NAGLU: variants seen among roughly 807,000 people sequenced by gnomAD.
The protein encoded by NAGLU is alpha-N-acetylglucosaminidase.
A neutral mutation model predicts 43.4 loss-of-function variants in NAGLU; 34 were observed. The observed-to-expected ratio is 0.78, with a 90% CI of 0.60 to 1.04. The LOEUF (loss-of-function observed/expected upper bound fraction) is 1.04. NAGLU is among the 50% of genes least tolerant of loss of function. The pLI is 0.00. For missense variants in NAGLU, 910 were observed against 993.7 expected (o/e 0.92, Z 1.13); for synonymous variants, 425 against 437.6 (o/e 0.97, Z 0.36).
chr17:42,540,224 G>A (rs937978839), intron 4 of NAGLU, among the ~76,000 whole-genome samples: 7 of 151,702 alleles, frequency 4.6e-5, no homozygotes, highest in East Asian at 1.9e-4. Flanking sequence ...ATCACACACC[G>A]GGGCCTTTCG....
chr17:42,538,159 G>A (rs1273913381), intron 2 of NAGLU, among the ~76,000 whole-genome samples, 180 bp from the exon 3 acceptor site: 2 of 152,202 alleles, frequency 1.3e-5, no homozygotes, highest in Non-Finnish European at 2.9e-5. Context: ...GCAACACAGT[G>A]AACTCACCTA....
At position 42,541,129 on chromosome 17, in the gene NAGLU, A is replaced by G. The variant is rs1193928866; in HGVS notation, c.944A>G (p.Asn315Ser). Residue 315 changes from asparagine (N) to serine (S), a missense_variant, in exon 5 of 6, where the codon AAT (asparagine) becomes AGT (serine). Coordinates refer to ENST00000225927, the MANE Select transcript of NAGLU (RefSeq NM_000263.4). Reference sequence around the variant, plus strand: ...CACATCTATGGGGCCGACACTTTCAATGAGATGCAGCCACCTTCCTCAGAG... The same window carrying G: ...CACATCTATGGGGCCGACACTTTCAGTGAGATGCAGCCACCTTCCTCAGAG... Reference protein sequence around the residue: ...TDHIYGADTFNEMQPPSSEPS... With the variant: ...TDHIYGADTFSEMQPPSSEPS... The G allele has an allele frequency of 3.7e-6, 6 of 1,613,948 alleles. No individual in the cohort carries two copies. The highest frequency in any genetic ancestry group is 2.7e-5 in the African/African-American group (2 of 74,918).
rs1424199932 is a variant in NAGLU, at chr17:42,537,578, C to T, written c.531+33C>T. On this transcript the variant is annotated intron_variant, in intron 2 of 5. Transcript: ENST00000225927. ...CCCACTGTCCCTTCCCCACCCTCCT[C>T]TATGGCGGGAGCCACCGTAGGTGTT... is the stretch of plus-strand genomic sequence containing the variant. 4 of 1,611,032 alleles carry T rather than the reference C, an allele frequency of 2.5e-6. No homozygotes were observed. In the South Asian group the frequency reaches 3.3e-5, roughly 13 times the overall value.
Position 42,543,457 on chromosome 17 carries a change from G to A in NAGLU, c.1451G>A (p.Gly484Glu), listed in dbSNP as rs1414938684. ...ACCAGCTTTGCCGCCCGGCGGTATG[G>A]GGTCTCCCACCCGGACGCAGGGGCA... Reference protein sequence around the residue: ...WVTSFAARRYGVSHPDAGAAW... With the variant: ...WVTSFAARRYEVSHPDAGAAW... The change falls in exon 6 of 6, where the codon GGG becomes GAG. Residue 484 changes from glycine to glutamate, a missense_variant. Physicochemically the swap from Gly to Glu is moderately conservative, Grantham distance 98 (BLOSUM62 -2). Transcript: ENST00000225927. The A allele has an allele frequency of 2.5e-6, 4 of 1,599,446 alleles. No homozygotes were observed. In the South Asian group the frequency reaches 4.5e-5, roughly 18 times the overall value.
At position 42,543,922 on chromosome 17, in the gene NAGLU, A is replaced by G. The variant is rs2092929711; in HGVS notation, c.1916A>G (p.Glu639Gly). Residue 639 changes from glutamate to glycine, a missense_variant, in exon 6 of 6, where the codon GAG (glutamate) becomes GGG (glycine). Glu to Gly is a moderately conservative substitution (Grantham distance 98, BLOSUM62 -2). Transcript: ENST00000225927. Reference protein sequence around the residue: ...AVSEAEADFYEQNSRYQLTLW... With the variant: ...AVSEAEADFYGQNSRYQLTLW... Reference sequence around the variant, plus strand: ...AGTGAGGCCGAGGCCGATTTCTACGAGCAGAACAGCCGCTACCAGCTGACC... The same window carrying G: ...AGTGAGGCCGAGGCCGATTTCTACGGGCAGAACAGCCGCTACCAGCTGACC... 1 of 1,607,320 alleles carries G rather than the reference A, an allele frequency of 6.2e-7. No homozygotes were observed. Among genetic ancestry groups the G allele is most frequent in the East Asian group, 2.2e-5 (1 of 44,642 alleles).
At chr17:42,538,878 T>C in intron 4 of NAGLU, 123 bp downstream of exon 4, 1 of 1,166,552 alleles carries the variant, frequency 8.6e-7, no homozygotes, top group Non-Finnish European at 1.2e-6. Flanking sequence ...TCCCAGCACT[T>C]TGGGAGGCCG....
At chr17:42,537,255 C>T (rs1326803594) in intron 1 of NAGLU, 143 bp from the exon 2 acceptor site, 3 of 1,266,048 alleles carry the variant, frequency 2.4e-6, no homozygotes, top group African/African-American at 2.9e-5. Flanking sequence ...GTCTCAGCTC[C>T]ACCTGGGGTG....
chr17:42,543,612 G>A lies in NAGLU; in HGVS notation c.1606G>A (p.Val536Met), dbSNP rs553158830. Residue 536 changes from valine (V) to methionine (M), a missense_variant, in exon 6 of 6, where the codon GTG becomes ATG. Transcript: ENST00000225927. Reference protein sequence around the residue: ...NTSIWYNRSDVFEAWRLLLTS... With the variant: ...NTSIWYNRSDMFEAWRLLLTS... ...CAGCATCTGGTACAACCGATCTGAT[G>A]TGTTTGAGGCCTGGCGGCTGCTGCT... 2 of 1,613,212 alleles carry A rather than the reference G, an allele frequency of 1.2e-6. No individual in the cohort carries two copies. The highest frequency in any genetic ancestry group is 3.3e-5 in the Admixed American group (2 of 60,034).
chr17:42,541,560 A>G (rs539037842), intron 5 of NAGLU, among the ~76,000 whole-genome samples: 2 of 152,364 alleles, frequency 1.3e-5, no homozygotes, highest in Admixed American at 6.5e-5. Context: ...AGAGCTAGCT[A>G]TGAACAAGGA....
rs2092928703 is a variant in NAGLU, at chr17:42,543,705, G to T, written c.1699G>T (p.Ala567Ser). Residue 567 changes from alanine (A) to serine (S), a missense_variant, in exon 6 of 6, where the codon GCA becomes TCA. Coordinates refer to ENST00000225927, the MANE Select transcript of NAGLU (RefSeq NM_000263.4). ...CGACCTGCTGGACCTCACTCGGCAG[G>T]CAGTGCAGGAGCTGGTCAGCTTGTA... The part of the protein sequence containing the change: ...RYDLLDLTRQ[A>S]VQELVSLYYE... The T allele has an allele frequency of 6.2e-7, 1 of 1,612,426 alleles. No individual in the cohort carries two copies. The highest frequency in any genetic ancestry group is 1.3e-5 in the African/African-American group (1 of 75,054).
chr17:42,543,717 C>T lies in NAGLU; in HGVS notation c.1711C>T (p.Leu571=). The T allele has an allele frequency of 6.2e-7, 1 of 1,612,206 alleles. No individual in the cohort carries two copies. The change falls in exon 6 of 6, where the codon CTG becomes TTG. Residue 571 remains leucine (L), a synonymous_variant. Coordinates refer to ENST00000225927, the MANE Select transcript of NAGLU (RefSeq NM_000263.4). ...LDLTRQAVQE[L]VSLYYEEARS... ...CCTCACTCGGCAGGCAGTGCAGGAG[C>T]TGGTCAGCTTGTACTATGAGGAGGC...
At chr17:42,542,097 C>T (rs987570474) in intron 5 of NAGLU, among the ~76,000 whole-genome samples, 4 of 151,988 alleles carry the variant, frequency 2.6e-5, no homozygotes, top group African/African-American at 9.7e-5. Context: ...GAGTCTCGCT[C>T]TGTCACCCAG....
At position 42,544,389 on chromosome 17, in the gene NAGLU, G is replaced by C; in HGVS notation, c.*151G>C. The C allele has an allele frequency of 8.6e-7, 1 of 1,158,542 alleles. No individual in the cohort carries two copies. Among genetic ancestry groups the C allele is most frequent in the South Asian group, 1.3e-5 (1 of 75,236 alleles). 71.8% of individuals were successfully genotyped at this position (1,158,542 alleles called of 1,614,324 possible). ...TGACCTGGGGGGATTGGAGGGAAAT[G>C]ACCTGCCCTCCACCACCACCCAAAG... On this transcript the variant is annotated 3_prime_UTR_variant, in exon 6 of 6. Transcript: ENST00000225927.
In NAGLU at chr17:42,540,540, C is replaced by CA. The variant is rs576185540; in HGVS notation, c.765-404dup. Among the ~76,000 whole-genome samples the CA allele has an allele frequency of 6.7e-3, 1,008 of 150,984 alleles. 6 individuals are homozygous for CA. Among genetic ancestry groups the CA allele is most frequent in the Non-Finnish European group, 0.012 (817 of 67,688 alleles). ...TGAAACTCAGTCTCTACTAAAAATA[C>CA]AAAAAATTAGCCGGGTGTGGTGGCG... On this transcript the variant is annotated intron_variant, in intron 4 of 5. Transcript: ENST00000225927.
chr17:42,537,254 C>G (rs1033603710), intron 1 of NAGLU, 144 bp from the exon 2 acceptor site: 2 of 1,245,670 alleles, frequency 1.6e-6, no homozygotes, highest in African/African-American at 1.5e-5. Flanking sequence ...GGTCTCAGCT[C>G]CACCTGGGGT....
At chr17:42,537,747 G>C (rs1326621272) in intron 2 of NAGLU, among the ~76,000 whole-genome samples, 1 of 152,104 alleles carries the variant, frequency 6.6e-6, no homozygotes, top group Non-Finnish European at 1.5e-5. Context: ...GGAGGCCTAG[G>C]CGGGCGGATC....
chr17:42,540,973 C>T lies in NAGLU; in HGVS notation c.788C>T (p.Thr263Met), dbSNP rs777479452. 36 of 1,614,070 alleles carry T rather than the reference C, an allele frequency of 2.2e-5. No individual in the cohort carries two copies. The highest frequency in any genetic ancestry group is 5.3e-5 in the African/African-American group (4 of 74,920). Residue 263 changes from threonine (T) to methionine (M), a missense_variant, in exon 5 of 6, where the codon ACG becomes ATG. Coordinates refer to ENST00000225927, the MANE Select transcript of NAGLU (RefSeq NM_000263.4). ...VTRVFPQVNV[T>M]KMGSWGHFNC... ...AGGGTGTTCCCTCAGGTCAATGTCACGAAGATGGGCAGTTGGGGCCACTTT... is the reference window on the plus strand; with the variant it reads ...AGGGTGTTCCCTCAGGTCAATGTCATGAAGATGGGCAGTTGGGGCCACTTT...
chr17:42,541,513 A>G (rs1235591590), intron 5 of NAGLU, among the ~76,000 whole-genome samples: 2 of 152,166 alleles, frequency 1.3e-5, no homozygotes, highest in East Asian at 3.8e-4. Flanking sequence ...ACTACCTCAT[A>G]GGTAGAATAA....
rs2092931694 is a variant in NAGLU at position 42,544,405 on chromosome 17, C to T, written c.*167C>T. 38 of 975,184 alleles carry T rather than the reference C, an allele frequency of 3.9e-5. No homozygotes were observed. Among genetic ancestry groups the T allele is most frequent in the South Asian group, 3.5e-4 (24 of 68,524 alleles). 60.4% of individuals were successfully genotyped at this position (975,184 alleles called of 1,614,324 possible). A position where few individuals can be genotyped will look rare whatever the true frequency, so the allele number is the denominator to read the frequency against. The stretch of plus-strand genomic sequence containing the variant: ...GAGGGAAATGACCTGCCCTCCACCA[C>T]CACCCAAAGTGTGGGATTAAAGTAC... On this transcript the variant is annotated 3_prime_UTR_variant, in exon 6 of 6. Transcript: ENST00000225927.
Sources: gnomAD v4.1 joint callset for allele counts (sites outside exome capture counted in the v4.1 genomes callset) on GRCh38, gnomAD v4.1.1 for gene constraint, MANE v1.5 for transcripts, NCBI Gene and HGNC (gene_info 2026-07-23, HGNC 2026-07-21) for gene names.